The following AP3D1 variants were observed in gnomAD, a reference collection of about 807,000 sequenced individuals.
AP3D1 encodes the protein AP-3 complex subunit delta-1.
In AP3D1, 51 loss-of-function variants were observed where a neutral mutation model predicts 147.6. That is an observed-to-expected ratio of 0.35 (90% CI 0.28 to 0.44). The LOEUF (loss-of-function observed/expected upper bound fraction) is 0.44. Among genes scored for constraint, AP3D1 ranks in the 20% least tolerant of loss-of-function variants. The pLI, the probability that AP3D1 is intolerant of heterozygous loss-of-function variation, is 1.00. For synonymous variants in AP3D1, 760 were observed against 663.0 expected, an observed-to-expected ratio of 1.15 and a Z score of -2.25; for missense variants, 1,421 against 1,624.2, an observed-to-expected ratio of 0.87 and a Z score of 2.15.
At chr19:2,112,073 A>C in intron 24 of AP3D1, 1 of 576,242 alleles carries the variant, frequency 1.7e-6, no homozygotes, top group Non-Finnish European at 3.1e-6. Context: ...GTCCCCACCG[A>C]CCAGGGAGCC....
intron 20 of AP3D1, 79 bp downstream of exon 20, chr19:2,115,140 A>C (rs1029990865): frequency 1.3e-5 from 19 of 1,415,110 alleles, no homozygotes; most frequent in Non-Finnish European, 1.9e-5. Context: ...CCATGGGGAG[A>C]GGCCACTGTG....
intron 14 of AP3D1, among the ~76,000 whole-genome samples, 183 bp from the exon 15 acceptor site, chr19:2,119,015 T>C (rs959443144): frequency 6.6e-6 from 1 of 152,070 alleles, no homozygotes; most frequent in Non-Finnish European, 1.5e-5. Context: ...CAACAGCCCG[T>C]AACACAAACA....
intron 5 of AP3D1, among the ~76,000 whole-genome samples, chr19:2,131,126 C>T (rs2018926957): frequency 6.6e-6 from 1 of 152,254 alleles, no homozygotes; most frequent in African/African-American, 2.4e-5. Flanking sequence ...CAACCAAGGC[C>T]ACCAGAGACA....
At chr19:2,130,354 G>C in intron 6 of AP3D1, 54 bp downstream of exon 6, 4 of 1,610,006 alleles carry the variant, frequency 2.5e-6, no homozygotes, top group Non-Finnish European at 3.4e-6. Context: ...CTCTTCCCAG[G>C]GCACCGGCTG....
At chr19:2,157,659 A>G (rs2019659537) in intron 1 of AP3D1, among the ~76,000 whole-genome samples, 1 of 149,944 alleles carries the variant, frequency 6.7e-6, no homozygotes, top group Non-Finnish European at 1.5e-5. Context: ...GTTAGTTGAA[A>G]AAAACAAACA....
At position 2,157,455 on chromosome 19, in the gene AP3D1, A is replaced by AAAAAAAG. The variant is rs1555711640; in HGVS notation, c.-103+6900_-103+6901insCTTTTTT. Among the ~76,000 whole-genome samples the AAAAAAAG allele has an allele frequency of 2.8e-4, 42 of 148,730 alleles. 2 individuals are homozygous for AAAAAAAG. The highest frequency in any genetic ancestry group is 9.0e-4 in the African/African-American group (36 of 39,882). On this transcript the variant is annotated intron_variant, in intron 1 of 14. Transcript: ENST00000643010. ...AGACTCCGTCTCAAAAAAAAAAAAA[A>AAAAAAAG]AAAAAGAAAAAAACAAACATCTACC...
At chr19:2,110,051 G>A (rs767578595) in intron 28 of AP3D1, 85 bp downstream of exon 28, 13 of 1,585,904 alleles carry the variant, frequency 8.2e-6, no homozygotes, top group East Asian at 2.3e-5. Context: ...TTCCCCTAGG[G>A]ACACCTGGAC....
intron 15 of AP3D1, among the ~76,000 whole-genome samples, chr19:2,118,348 T>G (rs1274152565): frequency 6.6e-6 from 1 of 152,144 alleles, no homozygotes; most frequent in Non-Finnish European, 1.5e-5. Context: ...CCTCTTCCTG[T>G]GGCCAGGAGC....
exon 1 of AP3D1, chr19:2,164,370 G>A: frequency 1.4e-6 from 1 of 737,044 alleles, no homozygotes; most frequent in Non-Finnish European, 1.8e-6. Context: ...CCCCCCTGCG[G>A]AACGGAGACC....
At position 2,142,001 on chromosome 19, in the gene AP3D1, C is replaced by T. The variant is rs370510055; in HGVS notation, c.97-3287G>A. On this transcript the variant is annotated intron_variant, in intron 1 of 31. Coordinates refer to ENST00000643116, the MANE Select transcript of AP3D1 (RefSeq NM_001261826.3). ...GTTTACATATATATACATTTATTTA[C>T]ATATATGTTTATTTATATATATATA... Among the ~76,000 whole-genome samples the T allele has an allele frequency of 2.5e-4, 37 of 149,216 alleles. 1 individual carries two copies. The South Asian group carries it at 4.9e-3, about 20-fold the overall frequency.
chr19:2,155,752 T>C (rs760601401), upstream of AP3D1, among the ~76,000 whole-genome samples: 4 of 151,834 alleles, frequency 2.6e-5, no homozygotes, highest in Admixed American at 6.6e-5. Context: ...ATGTTTAACT[T>C]GATGAAAAAG....
intron 14 of AP3D1, among the ~76,000 whole-genome samples, chr19:2,120,509 C>T (rs944786422): frequency 2.0e-5 from 3 of 152,210 alleles, no homozygotes; most frequent in South Asian, 2.1e-4. Flanking sequence ...GGCTGCCACG[C>T]GCCCAGCTGG....
chr19:2,106,222 C>T (rs910157667), intron 31 of AP3D1, among the ~76,000 whole-genome samples: 13 of 152,236 alleles, frequency 8.5e-5, no homozygotes, highest in African/African-American at 2.9e-4. Flanking sequence ...AAACCTCAAA[C>T]GTGGCATTAC....
intron 16 of AP3D1, 120 bp from the exon 17 acceptor site, chr19:2,116,866 C>A: frequency 7.6e-7 from 1 of 1,312,592 alleles, no homozygotes; most frequent in Non-Finnish European, 1.0e-6. Flanking sequence ...GTGGGGCCTG[C>A]CACCCACACA....
At position 2,101,600 on chromosome 19, in the gene AP3D1, T is replaced by C. The variant is rs1170933325; in HGVS notation, c.*573A>G. ...CCCTGCCCACAGCCTGGCTGGCGCG[T>C]GGCCTGGGATCCCAAGACCCAGTCA... is the stretch of plus-strand genomic sequence containing the variant. On this transcript the variant is annotated 3_prime_UTR_variant, in exon 32 of 32. Coordinates refer to ENST00000643116, the MANE Select transcript of AP3D1 (RefSeq NM_001261826.3). 6.6e-6 allele frequency: 1 copy of C among 152,462 alleles called. No individual in the cohort carries two copies. Among genetic ancestry groups the C allele is most frequent in the Non-Finnish European group, 1.5e-5 (1 of 68,164 alleles). The allele number at this position is 152,462 out of a possible 1,614,324, so 9.4% of individuals were successfully genotyped here.
In AP3D1 at chr19:2,111,669, T is replaced by C. The variant is rs774809764; in HGVS notation, c.2937+10A>G. ...CCGGCGTGGGGCGGGGGCGCTGAAG[T>C]ACCCCTCACCGGGAGCTGCTCCTCC... On this transcript the variant is annotated intron_variant, in intron 25 of 31. Transcript: ENST00000643116. 1 of 1,580,096 alleles carries C rather than the reference T, an allele frequency of 6.3e-7. No homozygotes were observed. The highest frequency in any genetic ancestry group is 1.8e-5 in the Admixed American group (1 of 56,400).
intron 1 of AP3D1, among the ~76,000 whole-genome samples, chr19:2,142,677 G>A (rs992338432): frequency 1.3e-5 from 2 of 152,190 alleles, no homozygotes; most frequent in South Asian, 2.1e-4. Context: ...GCAGGCTGAG[G>A]GCCTGGGAGC....
At chr19:2,119,835 G>A (rs1204102157) in intron 14 of AP3D1, among the ~76,000 whole-genome samples, 4 of 152,004 alleles carry the variant, frequency 2.6e-5, no homozygotes, top group East Asian at 1.9e-4. Flanking sequence ...CCAGCTACTC[G>A]GGAAGCTGAA....
chr19:2,137,855 G>C (rs1283105847), intron 2 of AP3D1, 48 bp from the exon 3 acceptor site: 3 of 1,581,838 alleles, frequency 1.9e-6, no homozygotes, highest in Middle Eastern at 1.7e-4. Context: ...AAAGCAGAGA[G>C]AAAGGTTTTG....
Sources: allele counts gnomAD v4.1 joint callset (sites outside exome capture counted in the v4.1 genomes callset), GRCh38; gene constraint gnomAD v4.1.1; transcripts MANE v1.5; gene names NCBI Gene and HGNC (gene_info 2026-07-23, HGNC 2026-07-21).